Variants in TSNAXIP1 observed in about 807,000 individuals in gnomAD.
TSNAXIP1 encodes the protein translin associated factor X interacting protein 1, also known as translin-associated factor X-interacting protein 1.
Under a neutral mutation model 84.8 loss-of-function variants are expected in TSNAXIP1, and 89 were observed. The ratio of observed to expected loss-of-function variants is 1.05; its 90% CI spans 0.88 to 1.25. The LOEUF is 1.25. Among genes scored for constraint, TSNAXIP1 ranks in the 50% most tolerant of loss-of-function variants. The pLI, the probability that TSNAXIP1 is intolerant of heterozygous loss-of-function variation, is 0.00. For synonymous variants in TSNAXIP1, 347 were observed against 335.2 expected, an observed-to-expected ratio of 1.04 and a Z score of -0.39; for missense variants, 874 against 887.6, an observed-to-expected ratio of 0.98 and a Z score of 0.20.
chr16:67,808,208 GAAA>G (rs774491418), intron 1 of TSNAXIP1, among the ~76,000 whole-genome samples: 5 of 136,662 alleles, frequency 3.7e-5, no homozygotes, highest in African/African-American at 1.3e-4. Flanking sequence ...CCCAGTGGGG[GAAA>G]AAAAAAAAAA....
intron 2 of TSNAXIP1, among the ~76,000 whole-genome samples, chr16:67,815,862 C>T (rs909040704): frequency 2.6e-5 from 4 of 151,292 alleles, no homozygotes; most frequent in Admixed American, 1.3e-4. Context: ...CACAGTGGCG[C>T]GATCTCGGCT....
chr16:67,821,039 A>T (rs2057007846), intron 3 of TSNAXIP1, 60 bp from the exon 4 acceptor site: 1 of 1,607,400 alleles, frequency 6.2e-7, no homozygotes, highest in Non-Finnish European at 8.5e-7. Context: ...GTTGCCCCAG[A>T]CTGAGGGCAC....
At chr16:67,816,139 T>C (rs897104603) in intron 2 of TSNAXIP1, among the ~76,000 whole-genome samples, 2 of 151,816 alleles carry the variant, frequency 1.3e-5, no homozygotes, top group Admixed American at 1.3e-4. Context: ...CTAATTTTTT[T>C]TGTATTTTTA....
chr16:67,814,712 C>T (rs1598012310), intron 2 of TSNAXIP1, among the ~76,000 whole-genome samples: 1 of 152,298 alleles, frequency 6.6e-6, no homozygotes, highest in East Asian at 1.9e-4. Flanking sequence ...GCGGCCCTTA[C>T]CTCTCATCCC....
chr16:67,822,566 A>AAAAG (rs368324587), intron 4 of TSNAXIP1, among the ~76,000 whole-genome samples: 1 of 148,972 alleles, frequency 6.7e-6, no homozygotes, highest in Non-Finnish European at 1.5e-5. Context: ...GGGAGGGAGG[A>AAAAG]AGAGAGAGAG....
At chr16:67,813,420 C>T (rs2056271682) in intron 1 of TSNAXIP1, among the ~76,000 whole-genome samples, 1 of 151,380 alleles carries the variant, frequency 6.6e-6, no homozygotes, top group African/African-American at 2.4e-5. Context: ...AACTTCATAA[C>T]TTTGTAAGAT....
At chr16:67,815,431 G>T (rs937142919) in intron 2 of TSNAXIP1, among the ~76,000 whole-genome samples, 3 of 151,350 alleles carry the variant, frequency 2.0e-5, no homozygotes, top group African/African-American at 4.9e-5. Flanking sequence ...AAATGCCAGG[G>T]CTCAAGTGAT....
intron 1 of TSNAXIP1, among the ~76,000 whole-genome samples, chr16:67,809,327 G>T (rs1480916031): frequency 6.7e-6 from 1 of 149,344 alleles, no homozygotes; most frequent in African/African-American, 2.5e-5. Flanking sequence ...AATTAGCCAG[G>T]TGTGGTGGCT....
At chr16:67,819,968 G>C (rs1438036390) in intron 2 of TSNAXIP1, among the ~76,000 whole-genome samples, 2 of 151,962 alleles carry the variant, frequency 1.3e-5, no homozygotes, top group Non-Finnish European at 2.9e-5. Context: ...ACAGGTGTCC[G>C]ACACCACGCC....
chr16:67,818,545 G>A (rs1025809898), intron 2 of TSNAXIP1, among the ~76,000 whole-genome samples: 2 of 151,954 alleles, frequency 1.3e-5, no homozygotes, highest in South Asian at 4.1e-4. Context: ...TAAACTCCCA[G>A]GTGTCTTCCA....
At chr16:67,815,899 A>G (rs1171194744) in intron 2 of TSNAXIP1, among the ~76,000 whole-genome samples, 4 of 150,680 alleles carry the variant, frequency 2.7e-5, no homozygotes, top group Non-Finnish European at 4.4e-5. Flanking sequence ...TCCTGGGTTC[A>G]AGTGATTATC....
intron 7 of TSNAXIP1, 63 bp downstream of exon 7, chr16:67,825,335 C>T: frequency 6.3e-7 from 1 of 1,588,042 alleles, no homozygotes; most frequent in African/African-American, 1.3e-5. Context: ...TCTGGTCTCA[C>T]CCCTAAGCCC....
Position 67,807,113 on chromosome 16 carries a change from A to G in TSNAXIP1, c.-37A>G, listed in dbSNP as rs749304092. The G allele has an allele frequency of 3.6e-4, 550 of 1,532,686 alleles. 8 individuals are homozygous for G. In the Admixed American group the frequency reaches 0.011, roughly 30 times the overall value. The allele number at this position is 1,532,686 out of a possible 1,614,324, so 94.9% of individuals were successfully genotyped here. On this transcript the variant is annotated 5_prime_UTR_variant, in exon 1 of 16. Transcript: ENST00000561639. Reference sequence around the variant, plus strand: ...CGGCTGTACGCTACCACAGCTTCCCAGGCCGCGGGTGCTGATTGCCCGCCT... The same window carrying G: ...CGGCTGTACGCTACCACAGCTTCCCGGGCCGCGGGTGCTGATTGCCCGCCT...
intron 4 of TSNAXIP1, among the ~76,000 whole-genome samples, chr16:67,822,606 G>C (rs1429989103): frequency 6.6e-6 from 1 of 152,086 alleles, no homozygotes; most frequent in East Asian, 1.9e-4. Context: ...ATCCAACCCA[G>C]ATACCAGTGT....
At chr16:67,814,208 G>C (rs983184061) in intron 1 of TSNAXIP1, 94 bp from the exon 2 acceptor site, 1 of 1,014,390 alleles carries the variant, frequency 9.9e-7, no homozygotes, top group African/African-American at 1.6e-5. Flanking sequence ...CTGGCTCAGG[G>C]AGACGGCTAT....
chr16:67,807,351 T>A (rs2151175660), intron 1 of TSNAXIP1, 155 bp downstream of exon 1: 1 of 1,533,688 alleles, frequency 6.5e-7, no homozygotes, highest in Admixed American at 2.0e-5. Context: ...TCGGGCTGAT[T>A]TAGCCCAGTG....
Position 67,825,662 on chromosome 16 carries a change from G to A in TSNAXIP1, c.815-5G>A. ...CACGGGCTGGTGGGCCCCTTCCCCT[G>A]GCAGGCATCTGGGGGGAGGACCCTG... On this transcript the variant is annotated splice_polypyrimidine_tract_variant and splice_region_variant and intron_variant, in intron 7 of 15. Coordinates refer to ENST00000561639, the MANE Select transcript of TSNAXIP1 (RefSeq NM_001288990.3). 1 of 1,605,746 alleles carries A rather than the reference G, an allele frequency of 6.2e-7. No homozygotes were observed. Among genetic ancestry groups the A allele is most frequent in the South Asian group, 1.1e-5 (1 of 90,568 alleles).
chr16:67,825,855 G>A lies in TSNAXIP1; in HGVS notation c.984+19G>A. 1 of 1,614,120 alleles carries A rather than the reference G, an allele frequency of 6.2e-7. No individual in the cohort carries two copies. The highest frequency in any genetic ancestry group is 2.2e-5 in the East Asian group (1 of 44,878). Reference sequence around the variant, plus strand: ...GGAGCAGGTGCTGGCAGGCAGGCAGGGCCAGGAGGGTAGGACGGGGTCTCA... The same window carrying A: ...GGAGCAGGTGCTGGCAGGCAGGCAGAGCCAGGAGGGTAGGACGGGGTCTCA... On this transcript the variant is annotated intron_variant, in intron 8 of 15. Coordinates refer to ENST00000561639, the MANE Select transcript of TSNAXIP1 (RefSeq NM_001288990.3).
intron 4 of TSNAXIP1, among the ~76,000 whole-genome samples, chr16:67,822,710 A>G (rs1176670638): frequency 6.6e-6 from 1 of 152,176 alleles, no homozygotes; most frequent in East Asian, 1.9e-4. Context: ...GCATTTACTG[A>G]GCACTGGCTA....
Sources: gnomAD v4.1 joint callset for allele counts (sites outside exome capture counted in the v4.1 genomes callset) on GRCh38, gnomAD v4.1.1 for gene constraint, MANE v1.5 for transcripts, NCBI Gene and HGNC (gene_info 2026-07-23, HGNC 2026-07-21) for gene names.